The following CNTNAP3 variants were observed in gnomAD, a reference collection of about 807,000 sequenced individuals.
CNTNAP3 encodes contactin-associated protein-like 3.
CNTNAP3 carries 36 observed loss-of-function variants against 92.1 expected under a neutral mutation model. The observed-to-expected ratio is 0.39, with a 90% confidence interval of 0.30 to 0.52. The LOEUF (loss-of-function observed/expected upper bound fraction) is 0.52. CNTNAP3 is among the 20% of genes least tolerant of loss of function. CNTNAP3 has a pLI of 0.76. For missense variants in CNTNAP3, 534 were observed against 1,069.6 expected (o/e 0.50, Z 6.98); for synonymous variants, 232 against 422.3 (o/e 0.55, Z 5.53).
At chr9:39,108,012 A>C (rs1343829310) in intron 15 of CNTNAP3, among the ~76,000 whole-genome samples, 1 of 152,150 alleles carries the variant, frequency 6.6e-6, no homozygotes, top group Non-Finnish European at 1.5e-5. Context: ...CTAACAATTT[A>C]GCTTGCCACA....
chr9:39,076,232 C>G, intron 23 of CNTNAP3, among the ~76,000 whole-genome samples: 2 of 152,312 alleles, frequency 1.3e-5, no homozygotes, highest in Non-Finnish European at 2.9e-5. Context: ...TCCTTCTCAC[C>G]AAAAGCTGGG....
intron 14 of CNTNAP3, among the ~76,000 whole-genome samples, chr9:39,114,790 A>G (rs1297508269): frequency 6.6e-6 from 1 of 152,038 alleles, no homozygotes; most frequent in African/African-American, 2.4e-5. Context: ...TAATCACACA[A>G]AAGTCCTATT....
chr9:39,088,242 T>C (rs1390837988), intron 19 of CNTNAP3, among the ~76,000 whole-genome samples, 181 bp downstream of exon 19: 1 of 146,372 alleles, frequency 6.8e-6, no homozygotes, highest in East Asian at 2.1e-4. Context: ...CATCTTAATT[T>C]AATCTTGAAA....
rs1188458551 is a variant in CNTNAP3, at chr9:39,066,594, C to T, written c.*7296G>A. ...CTATGTCTGAAAAATATCTTTGTTTCATCCTTTCTTGAAAGACGGTTTTGC... is the reference window on the plus strand; with the variant it reads ...CTATGTCTGAAAAATATCTTTGTTTTATCCTTTCTTGAAAGACGGTTTTGC... On this transcript the variant is annotated 3_prime_UTR_variant, in exon 24 of 24. Transcript: ENST00000297668. Among the ~76,000 whole-genome samples, 64 of 152,304 alleles carry T rather than the reference C, an allele frequency of 4.2e-4. No homozygotes were observed. The East Asian group carries it at 9.9e-3, about 24-fold the overall frequency.
chr9:39,179,341 A>ACACACACACT (rs1822407717), intron 4 of CNTNAP3, among the ~76,000 whole-genome samples: 9 of 91,192 alleles, frequency 9.9e-5, no homozygotes, highest in Non-Finnish European at 1.5e-4. Context: ...ACACACACAC[A>ACACACACACT]GGCACACAGA....
chr9:39,124,708 G>A (rs1325724653), intron 13 of CNTNAP3, among the ~76,000 whole-genome samples: 5 of 152,078 alleles, frequency 3.3e-5, no homozygotes, highest in Non-Finnish European at 5.9e-5. Context: ...TATATGAACA[G>A]ACACTTCTCA....
rs1380373844 is a variant in CNTNAP3, at chr9:39,066,565, T to G, written c.*7325A>C. On this transcript the variant is annotated 3_prime_UTR_variant, in exon 24 of 24. Transcript: ENST00000297668. ...TTGCTGATAATATATTACTTTTAAC[T>G]TTTCTATGTCTGAAAAATATCTTTG... 2.0e-5 allele frequency among the ~76,000 whole-genome samples: 3 copies of G among 152,290 alleles called. No individual in the cohort carries two copies. Among genetic ancestry groups the G allele is most frequent in the African/African-American group, 7.2e-5 (3 of 41,488 alleles).
chr9:39,146,459 G>A (rs1210426363), intron 10 of CNTNAP3, among the ~76,000 whole-genome samples: 10 of 152,178 alleles, frequency 6.6e-5, no homozygotes, highest in East Asian at 1.9e-4. Context: ...GGAAGCTGAC[G>A]CGGGTGGATG....
intron 14 of CNTNAP3, among the ~76,000 whole-genome samples, chr9:39,114,587 C>T (rs1328379794): frequency 1.3e-5 from 2 of 152,104 alleles, no homozygotes; most frequent in South Asian, 2.1e-4. Flanking sequence ...GTTTCAACTT[C>T]ACTGAGTGCT....
intron 10 of CNTNAP3, among the ~76,000 whole-genome samples, chr9:39,145,558 G>T (rs76500756): frequency 0.016 from 2,140 of 134,564 alleles, 73 homozygotes; most frequent in East Asian, 0.076. Flanking sequence ...ATTTGGCCTC[G>T]GGAGAGGTCC....
chr9:39,122,975 G>C (rs570528238), intron 13 of CNTNAP3, among the ~76,000 whole-genome samples: 1 of 152,098 alleles, frequency 6.6e-6, no homozygotes, highest in South Asian at 2.1e-4. Flanking sequence ...GGGAAGACTG[G>C]GAAGTGCTGA....
At chr9:39,130,495 CTTTTTT>C (rs58074019) in intron 13 of CNTNAP3, among the ~76,000 whole-genome samples, 10 of 111,160 alleles carry the variant, frequency 9.0e-5, no homozygotes, top group South Asian at 2.9e-4. Flanking sequence ...AGGAGGAATT[CTTTTTT>C]TTTTTTTTTT....
intron 9 of CNTNAP3, among the ~76,000 whole-genome samples, chr9:39,151,834 T>C (rs1821850438): frequency 6.8e-6 from 1 of 147,914 alleles, no homozygotes; most frequent in Non-Finnish European, 1.5e-5. Flanking sequence ...CTGTAAGTAT[T>C]GTCTCTTTCA....
At chr9:39,132,044 C>G (rs1019512419) in intron 13 of CNTNAP3, among the ~76,000 whole-genome samples, 1 of 151,852 alleles carries the variant, frequency 6.6e-6, no homozygotes, top group South Asian at 2.1e-4. Context: ...TTTTTTAAGA[C>G]AAGGTGTTGC....
Position 39,102,707 on chromosome 9 carries a change from C to T in CNTNAP3, c.2545G>A (p.Glu849Lys), listed in dbSNP as rs1162013831. 4 of 1,275,102 alleles carry T rather than the reference C, an allele frequency of 3.1e-6. No individual in the cohort carries two copies. In the African/African-American group the frequency reaches 6.0e-5, roughly 19 times the overall value. 79.0% of individuals were successfully genotyped at this position (1,275,102 alleles called of 1,614,324 possible). The change falls in exon 17 of 24, where the codon GAA (glutamate) becomes AAA (lysine). Residue 849 changes from glutamate to lysine, a missense_variant. Transcript: ENST00000297668. ...CCCACATCGAAGGAAAAGGTCACTT[C>T]TGTGGGAGCTAGAAATATTAGATAT... The part of the protein sequence containing the change: ...FIRIELRAPT[E>K]VTFSFDVGNG...
At chr9:39,161,628 C>T (rs971055151) in intron 9 of CNTNAP3, among the ~76,000 whole-genome samples, 1 of 120,828 alleles carries the variant, frequency 8.3e-6, no homozygotes, top group Non-Finnish European at 1.7e-5. Flanking sequence ...CAAGCCTGGG[C>T]AACATAGCGA....
chr9:39,116,628 A>G (rs1293054471), intron 14 of CNTNAP3, among the ~76,000 whole-genome samples: 6 of 152,188 alleles, frequency 3.9e-5, no homozygotes, highest in Non-Finnish European at 5.9e-5. Flanking sequence ...AACTGCATTC[A>G]TTTTTAAGTA....
At chr9:39,099,595 T>C (rs1388556169) in intron 18 of CNTNAP3, among the ~76,000 whole-genome samples, 1 of 152,156 alleles carries the variant, frequency 6.6e-6, no homozygotes, top group Admixed American at 6.5e-5. Flanking sequence ...AATGATGGTT[T>C]ACTGATGTTA....
chr9:39,114,554 G>A (rs754946193), intron 14 of CNTNAP3, among the ~76,000 whole-genome samples: 13 of 152,024 alleles, frequency 8.6e-5, no homozygotes, highest in African/African-American at 1.9e-4. Context: ...GTATTTACTC[G>A]GTAAATATTT....
Sources: gnomAD v4.1 joint callset for allele counts (sites outside exome capture counted in the v4.1 genomes callset) on GRCh38, gnomAD v4.1.1 for gene constraint, MANE v1.5 for transcripts, NCBI Gene and HGNC (gene_info 2026-07-23, HGNC 2026-07-21) for gene names.